PRKG1: variants seen among roughly 807,000 people sequenced by gnomAD.
PRKG1 encodes protein kinase cGMP-dependent 1, also known as cGMP-dependent protein kinase 1.
A neutral mutation model predicts 88.1 loss-of-function variants in PRKG1; 35 were observed. That is an observed-to-expected ratio of 0.40 (90% CI 0.30 to 0.53). The LOEUF (loss-of-function observed/expected upper bound fraction) is 0.53. PRKG1 is among the 20% of genes least tolerant of loss of function. PRKG1 has a pLI of 0.59. For synonymous variants in PRKG1, 303 were observed against 292.5 expected, an observed-to-expected ratio of 1.04 and a Z score of -0.37; for missense variants, 540 against 839.8, an observed-to-expected ratio of 0.64 and a Z score of 4.41.
chr10:51,043,964 C>A (rs1235031573), intron 1 of PRKG1, among the ~76,000 whole-genome samples: 2 of 152,118 alleles, frequency 1.3e-5, no homozygotes, highest in Non-Finnish European at 2.9e-5. Flanking sequence ...AAACCTTTAT[C>A]CAAGTGCTTC....
chr10:51,994,356 A>T (rs1254514309), intron 5 of PRKG1, among the ~76,000 whole-genome samples: 1 of 152,156 alleles, frequency 6.6e-6, no homozygotes, highest in Non-Finnish European at 1.5e-5. Context: ...TTGCTGACAG[A>T]AGATGCCCTC....
At chr10:51,268,432 C>A (rs372251466) in intron 2 of PRKG1, among the ~76,000 whole-genome samples, 2 of 152,080 alleles carry the variant, frequency 1.3e-5, no homozygotes, top group African/African-American at 4.8e-5. Flanking sequence ...GCCCCTGAAG[C>A]GGCCATTTCA....
At chr10:51,266,756 G>A (rs948775475) in intron 2 of PRKG1, among the ~76,000 whole-genome samples, 1 of 152,180 alleles carries the variant, frequency 6.6e-6, no homozygotes, top group Non-Finnish European at 1.5e-5. Flanking sequence ...GACACACAAT[G>A]TGGTTTCACA....
At chr10:51,751,228 G>A (rs1314244982) in intron 3 of PRKG1, among the ~76,000 whole-genome samples, 1 of 151,788 alleles carries the variant, frequency 6.6e-6, no homozygotes, top group African/African-American at 2.4e-5. Flanking sequence ...CAACCGAACT[G>A]TTTGTTTGTT....
At chr10:52,173,903 G>A (rs961684548) in intron 9 of PRKG1, among the ~76,000 whole-genome samples, 1 of 152,018 alleles carries the variant, frequency 6.6e-6, no homozygotes, top group African/African-American at 2.4e-5. Flanking sequence ...TTAAGGACCT[G>A]GAAAAGTATG....
At chr10:51,571,319 C>A (rs10998237) in intron 3 of PRKG1, among the ~76,000 whole-genome samples, 93 of 151,752 alleles carry the variant, frequency 6.1e-4, no homozygotes, top group African/African-American at 2.1e-3. Flanking sequence ...CTATGTTTAA[C>A]CTGAAAGGTG....
chr10:52,224,808 C>CATATATATATCTATATATATATATATAT (rs1840342580), intron 9 of PRKG1, among the ~76,000 whole-genome samples: 1 of 106,370 alleles, frequency 9.4e-6, no homozygotes, highest in African/African-American at 3.7e-5. Context: ...AGTATTCCAT[C>CATATATATATCTATATATATATATATAT]ATATATATAT....
At chr10:51,946,910 G>T (rs1384854874) in intron 5 of PRKG1, among the ~76,000 whole-genome samples, 2 of 152,062 alleles carry the variant, frequency 1.3e-5, no homozygotes, top group African/African-American at 4.8e-5. Context: ...AGGGGTCAGG[G>T]GTCAGGGACC....
chr10:52,229,463 G>A (rs561941232), intron 9 of PRKG1, among the ~76,000 whole-genome samples: 60 of 152,176 alleles, frequency 3.9e-4, no homozygotes, highest in Non-Finnish European at 6.9e-4. Flanking sequence ...TTGAGGAGGT[G>A]AGTCATACTG....
At chr10:51,471,030 T>A (rs1435632146) in intron 3 of PRKG1, among the ~76,000 whole-genome samples, 4 of 152,000 alleles carry the variant, frequency 2.6e-5, no homozygotes, top group Non-Finnish European at 5.9e-5. Context: ...GATTCAGATC[T>A]ATATTCATAG....
chr10:51,879,139 T>G (rs1480601210), intron 4 of PRKG1, among the ~76,000 whole-genome samples: 2 of 152,216 alleles, frequency 1.3e-5, no homozygotes, highest in Admixed American at 1.3e-4. Context: ...TATCAATTTG[T>G]TTTTGGCTGT....
At chr10:52,089,378 G>A (rs1350277668) in intron 7 of PRKG1, among the ~76,000 whole-genome samples, 1 of 152,120 alleles carries the variant, frequency 6.6e-6, no homozygotes, top group Non-Finnish European at 1.5e-5. Flanking sequence ...GCCATTCTCA[G>A]CAACAAATTG....
At chr10:52,166,035 T>G (rs1589665027) in intron 9 of PRKG1, among the ~76,000 whole-genome samples, 1 of 152,218 alleles carries the variant, frequency 6.6e-6, no homozygotes. Flanking sequence ...ATGGCATGCT[T>G]AAGCTTCTCT....
At chr10:51,457,691 ATTCT>A (rs1179875597) in intron 2 of PRKG1, among the ~76,000 whole-genome samples, 1 of 152,218 alleles carries the variant, frequency 6.6e-6, no homozygotes, top group African/African-American at 2.4e-5. Flanking sequence ...TCAGCAGGTC[ATTCT>A]TTATTATGGC....
At chr10:51,149,221 T>G (rs1268165729) in intron 1 of PRKG1, among the ~76,000 whole-genome samples, 1 of 152,038 alleles carries the variant, frequency 6.6e-6, no homozygotes, top group African/African-American at 2.4e-5. Context: ...GACCACTTAA[T>G]CTGAACTAGC....
At chr10:51,788,838 G>A (rs952600667) in intron 3 of PRKG1, among the ~76,000 whole-genome samples, 7 of 152,118 alleles carry the variant, frequency 4.6e-5, no homozygotes, top group African/African-American at 1.7e-4. Flanking sequence ...ACAGCAGGGG[G>A]CTAATAGACA....
chr10:51,712,129 A>T (rs980823317), intron 3 of PRKG1, among the ~76,000 whole-genome samples: 1 of 152,218 alleles, frequency 6.6e-6, no homozygotes. Context: ...TGAAGATTGG[A>T]TAGTCATGGA....
chr10:52,058,600 A>G (rs1050176144), intron 6 of PRKG1, among the ~76,000 whole-genome samples: 1 of 152,074 alleles, frequency 6.6e-6, no homozygotes. Flanking sequence ...TGATGGAACC[A>G]TTGGTAATCC....
chr10:51,801,552 A>C (rs1839174251), intron 3 of PRKG1, among the ~76,000 whole-genome samples: 1 of 152,168 alleles, frequency 6.6e-6, no homozygotes, highest in South Asian at 2.1e-4. Context: ...TTGGTATAAA[A>C]TAAATATGAG....
Sources: gnomAD v4.1 joint callset for allele counts (sites outside exome capture counted in the v4.1 genomes callset) on GRCh38, gnomAD v4.1.1 for gene constraint, MANE v1.5 for transcripts, NCBI Gene and HGNC (gene_info 2026-07-23, HGNC 2026-07-21) for gene names.